Variants in ATP6V0D2 observed in about 807,000 individuals in gnomAD.
ATP6V0D2 encodes V-type proton ATPase subunit d 2.
A neutral mutation model predicts 40.0 loss-of-function variants in ATP6V0D2; 40 were observed. The ratio of observed to expected loss-of-function variants is 1.00; its 90% CI spans 0.78 to 1.30. The LOEUF is 1.30. Ranked by LOEUF, ATP6V0D2 falls within the 50% of genes most tolerant of loss-of-function variation. The probability of loss-of-function intolerance (pLI) is 0.00; values close to 1 mark genes in which losing one functional copy is unlikely to be tolerated. For synonymous variants in ATP6V0D2, 179 were observed against 156.3 expected, an observed-to-expected ratio of 1.15 and a Z score of -1.08; for missense variants, 470 against 423.1, an observed-to-expected ratio of 1.11 and a Z score of -0.97.
chr8:86,152,795 T>C (rs901568753), intron 7 of ATP6V0D2, 21 bp from the exon 8 acceptor site: 3 of 1,582,608 alleles, frequency 1.9e-6, no homozygotes, highest in Non-Finnish European at 2.6e-6. Flanking sequence ...ATGATCTGTG[T>C]TACTTTTTTT....
At chr8:86,113,298 G>C (rs188518173) in intron 1 of ATP6V0D2, among the ~76,000 whole-genome samples, 3 of 151,982 alleles carry the variant, frequency 2.0e-5, no homozygotes, top group African/African-American at 7.3e-5. Context: ...GGCCAACATG[G>C]TGAAACCCTG....
At chr8:86,123,429 T>C (rs1331903485) in intron 2 of ATP6V0D2, among the ~76,000 whole-genome samples, 1 of 152,212 alleles carries the variant, frequency 6.6e-6, no homozygotes, top group Non-Finnish European at 1.5e-5. Flanking sequence ...ATCGGATGTA[T>C]ATCTTAGGAA....
At chr8:86,118,965 C>A (rs1019202938) in intron 2 of ATP6V0D2, among the ~76,000 whole-genome samples, 1 of 152,074 alleles carries the variant, frequency 6.6e-6, no homozygotes, top group Admixed American at 6.5e-5. Context: ...TAGTTGTTAG[C>A]AGTAGGCTTC....
At chr8:86,145,309 GA>G (rs375996327) in intron 5 of ATP6V0D2, among the ~76,000 whole-genome samples, 114 of 76,748 alleles carry the variant, frequency 1.5e-3, no homozygotes, top group South Asian at 2.3e-3. Context: ...AAGAAAGAAA[GA>G]AAAGAAAGAA....
At chr8:86,114,966 A>G (rs1314187475) in intron 2 of ATP6V0D2, among the ~76,000 whole-genome samples, 3 of 152,336 alleles carry the variant, frequency 2.0e-5, no homozygotes, top group Middle Eastern at 6.8e-3. Context: ...CAATGAAAAA[A>G]TGCTGCATAG....
At chr8:86,118,085 C>CTTTTTTTTTTTTTTTT (rs1222811419) in intron 2 of ATP6V0D2, among the ~76,000 whole-genome samples, 2 of 27,610 alleles carry the variant, frequency 7.2e-5, no homozygotes, top group Admixed American at 8.3e-4. Flanking sequence ...TTCTTTCTTT[C>CTTTTTTTTTTTTTTTT]TTTTTTTTTT....
At chr8:86,124,526 G>A (rs1023622952) in intron 2 of ATP6V0D2, among the ~76,000 whole-genome samples, 9 of 152,108 alleles carry the variant, frequency 5.9e-5, no homozygotes, top group Admixed American at 2.0e-4. Flanking sequence ...CCCTCCAGGC[G>A]ACCCTGATAC....
At chr8:86,142,464 C>T (rs1029463487) in intron 4 of ATP6V0D2, among the ~76,000 whole-genome samples, 5 of 152,226 alleles carry the variant, frequency 3.3e-5, no homozygotes, top group African/African-American at 1.2e-4. Context: ...TACAGCCTTT[C>T]CCATATAGCT....
chr8:86,150,688 C>G (rs1199172004), intron 6 of ATP6V0D2, among the ~76,000 whole-genome samples: 1 of 152,170 alleles, frequency 6.6e-6, no homozygotes, highest in African/African-American at 2.4e-5. Context: ...CACAGAACGT[C>G]TAGGTGGACG....
At chr8:86,110,416 T>A (rs1423907313) in intron 1 of ATP6V0D2, among the ~76,000 whole-genome samples, 6 of 152,194 alleles carry the variant, frequency 3.9e-5, no homozygotes, top group African/African-American at 1.4e-4. Flanking sequence ...AATATATGTA[T>A]TAATTGTGGT....
In ATP6V0D2 at chr8:86,151,220, G is replaced by GT. The variant is rs35950849; in HGVS notation, c.817-245dup. Among the ~76,000 whole-genome samples the GT allele has an allele frequency of 0.12, 18,881 of 151,948 alleles. 1,274 individuals are homozygous for GT. The highest frequency in any genetic ancestry group is 0.16 in the Non-Finnish European group (10,565 of 67,946). ...GAGTGAGAAAATGAGCTCAAACACT[G>GT]TATACTGAGAGTTGAATTGCCTTGT... On this transcript the variant is annotated intron_variant, in intron 6 of 7. Transcript: ENST00000285393.
intron 1 of ATP6V0D2, among the ~76,000 whole-genome samples, chr8:86,110,489 T>G (rs1818517472): frequency 6.6e-6 from 1 of 152,182 alleles, no homozygotes; most frequent in Admixed American, 6.5e-5. Context: ...GGAAGCCAAA[T>G]GTAAGGACTG....
intron 6 of ATP6V0D2, 142 bp from the exon 7 acceptor site, chr8:86,151,324 C>T: frequency 9.5e-6 from 6 of 633,040 alleles, no homozygotes; most frequent in Non-Finnish European, 1.6e-5. Context: ...TTCGGGAGGC[C>T]AAAATCCTAT....
At chr8:86,145,229 AAGAAAG>A (rs1455915385) in intron 5 of ATP6V0D2, among the ~76,000 whole-genome samples, 2 of 31,272 alleles carry the variant, frequency 6.4e-5, no homozygotes, top group East Asian at 7.5e-4. Context: ...GAAAGAAAGA[AAGAAAG>A]AGAGAGAGAG....
intron 1 of ATP6V0D2, among the ~76,000 whole-genome samples, chr8:86,101,964 A>G (rs1193211315): frequency 2.6e-5 from 4 of 152,202 alleles, no homozygotes; most frequent in Non-Finnish European, 5.9e-5. Flanking sequence ...TTAGGTTATC[A>G]TGACTGCTGA....
intron 1 of ATP6V0D2, among the ~76,000 whole-genome samples, chr8:86,102,283 C>G (rs554792249): frequency 6.6e-6 from 1 of 152,104 alleles, no homozygotes; most frequent in Admixed American, 6.5e-5. Context: ...TGTGAATGTA[C>G]TTAAGGAGAC....
chr8:86,141,750 A>G lies in ATP6V0D2; in HGVS notation c.561+221A>G, dbSNP rs999534162. ...TATTTGAAAGGAAATAACATGCCCT[A>G]TTCTTCCATATTCCTAGCTCCTTGC... is the stretch of plus-strand genomic sequence containing the variant. On this transcript the variant is annotated intron_variant, in intron 4 of 7. Coordinates refer to ENST00000285393, the MANE Select transcript of ATP6V0D2 (RefSeq NM_152565.1). Among the ~76,000 whole-genome samples, 8 of 152,238 alleles carry G rather than the reference A, an allele frequency of 5.3e-5. No individual in the cohort carries two copies. In the South Asian group the frequency reaches 6.2e-4, roughly 12 times the overall value.
At chr8:86,147,043 T>G (rs1182196254) in intron 5 of ATP6V0D2, among the ~76,000 whole-genome samples, 1 of 152,072 alleles carries the variant, frequency 6.6e-6, no homozygotes, top group African/African-American at 2.4e-5. Flanking sequence ...TCAAGGCAAA[T>G]GCACTGTAGT....
chr8:86,105,610 T>C (rs1216784025), intron 1 of ATP6V0D2, among the ~76,000 whole-genome samples: 1 of 122,450 alleles, frequency 8.2e-6, no homozygotes, highest in Non-Finnish European at 1.8e-5. Context: ...TGTAAACTTC[T>C]TTTTTCTTTT....
Sources: allele counts gnomAD v4.1 joint callset (sites outside exome capture counted in the v4.1 genomes callset), GRCh38; gene constraint gnomAD v4.1.1; transcripts MANE v1.5; gene names NCBI Gene and HGNC (gene_info 2026-07-23, HGNC 2026-07-21).